Variants in RALYL observed in about 807,000 individuals in gnomAD.
RALYL encodes RALY RNA binding protein like, also known as RNA-binding Raly-like protein.
Under a neutral mutation model 35.1 loss-of-function variants are expected in RALYL, and 29 were observed. That is an observed-to-expected ratio of 0.83 (90% CI 0.61 to 1.13). The LOEUF is 1.13. Ranked by LOEUF, RALYL falls within the 50% of genes most tolerant of loss-of-function variation. RALYL has a pLI of 0.00. For missense variants in RALYL, 359 were observed against 360.4 expected (o/e 1.00, Z 0.03); for synonymous variants, 120 against 127.6 (o/e 0.94, Z 0.40).
At chr8:84,601,322 T>C (rs183144434) in intron 2 of RALYL, among the ~76,000 whole-genome samples, 357 of 152,174 alleles carry the variant, frequency 2.3e-3, no homozygotes, top group African/African-American at 5.4e-3. Flanking sequence ...TCTCAAAACC[T>C]GTGTTTCCCA....
intron 2 of RALYL, chr8:84,679,590 T>A (rs374071261): frequency 6.8e-4 from 307 of 452,168 alleles, no homozygotes; most frequent in Non-Finnish European, 1.2e-3. Context: ...AACGCCTGCC[T>A]TATCTTCTTT....
chr8:84,880,314 G>A (rs1841955577), intron 7 of RALYL, among the ~76,000 whole-genome samples: 1 of 152,084 alleles, frequency 6.6e-6, no homozygotes, highest in Admixed American at 6.6e-5. Context: ...CCTATGGTCA[G>A]GAAGAAACCT....
At chr8:84,761,359 G>C (rs1444340824) in intron 2 of RALYL, among the ~76,000 whole-genome samples, 6 of 151,854 alleles carry the variant, frequency 4.0e-5, no homozygotes, top group Non-Finnish European at 7.4e-5. Context: ...ACTAAGCAAA[G>C]TGTCTGGAAA....
intron 4 of RALYL, among the ~76,000 whole-genome samples, chr8:84,814,907 A>T (rs946179678): frequency 4.6e-5 from 7 of 152,222 alleles, no homozygotes; most frequent in African/African-American, 1.7e-4. Flanking sequence ...TTCTGTTTGC[A>T]CAGGTAGATC....
intron 1 of RALYL, among the ~76,000 whole-genome samples, chr8:84,527,619 A>G (rs887662358): frequency 4.6e-5 from 7 of 152,184 alleles, no homozygotes; most frequent in Non-Finnish European, 7.3e-5. Context: ...TAAATTACCT[A>G]TCTTGATTTT....
At chr8:84,185,317 G>T (rs1272634266) in intron 1 of RALYL, 3 of 447,888 alleles carry the variant, frequency 6.7e-6, no homozygotes, top group Non-Finnish European at 1.2e-5. Context: ...TGGCTCTAAA[G>T]GTTTTCCCCT....
chr8:84,643,296 C>T (rs1198386887), intron 2 of RALYL, among the ~76,000 whole-genome samples: 1 of 151,910 alleles, frequency 6.6e-6, no homozygotes, highest in African/African-American at 2.4e-5. Context: ...TCCCTAGCAG[C>T]CGAGTCTAAA....
chr8:84,879,309 C>T (rs1223866274), intron 7 of RALYL, among the ~76,000 whole-genome samples: 2 of 152,060 alleles, frequency 1.3e-5, no homozygotes, highest in South Asian at 2.1e-4. Flanking sequence ...ACATAGAGAA[C>T]GAATTTTTAA....
At chr8:84,920,135 T>C (rs1431990712) in intron 8 of RALYL, among the ~76,000 whole-genome samples, 1 of 152,144 alleles carries the variant, frequency 6.6e-6, no homozygotes, top group Non-Finnish European at 1.5e-5. Context: ...TCTTTGACTC[T>C]TAAGACATAC....
intron 2 of RALYL, among the ~76,000 whole-genome samples, chr8:84,532,809 T>C (rs965964186): frequency 2.0e-5 from 3 of 152,090 alleles, no homozygotes; most frequent in Admixed American, 2.0e-4. Context: ...AATTAAACAC[T>C]CTAATGTCAG....
chr8:84,572,658 A>G (rs1222873997), intron 2 of RALYL, among the ~76,000 whole-genome samples: 1 of 151,832 alleles, frequency 6.6e-6, no homozygotes, highest in Non-Finnish European at 1.5e-5. Context: ...TGATTTATTC[A>G]TGTATAGATT....
intron 1 of RALYL, among the ~76,000 whole-genome samples, chr8:84,282,940 T>A (rs1836890281): frequency 6.6e-6 from 1 of 151,956 alleles, no homozygotes; most frequent in South Asian, 2.1e-4. Context: ...GGAATACAAG[T>A]AGGACACTGC....
intron 8 of RALYL, among the ~76,000 whole-genome samples, chr8:84,909,783 AG>A (rs1202985753): frequency 6.6e-6 from 1 of 152,112 alleles, no homozygotes. Flanking sequence ...AGTACTTAAA[AG>A]GGGGCTTGAC....
intron 2 of RALYL, among the ~76,000 whole-genome samples, chr8:84,656,425 G>T (rs729076): frequency 0.29 from 43,892 of 152,018 alleles, 7,048 homozygotes; most frequent in African/African-American, 0.42. Flanking sequence ...TGGAAATATA[G>T]AGAGAAATAA....
At chr8:84,529,094 T>G (rs2059102191) in intron 1 of RALYL, among the ~76,000 whole-genome samples, 1 of 152,182 alleles carries the variant, frequency 6.6e-6, no homozygotes. Flanking sequence ...GTGATTATGT[T>G]TTTTCTACTG....
intron 1 of RALYL, among the ~76,000 whole-genome samples, chr8:84,508,245 T>G (rs752211178): frequency 3.3e-5 from 5 of 152,048 alleles, no homozygotes; most frequent in Non-Finnish European, 5.9e-5. Flanking sequence ...TAAACACTCA[T>G]CCCCCTCAAG....
chr8:84,537,160 A>T (rs1197715150), intron 2 of RALYL, among the ~76,000 whole-genome samples: 5 of 4,550 alleles, frequency 1.1e-3, no homozygotes, highest in Non-Finnish European at 2.1e-3. Flanking sequence ...TATATATATT[A>T]AAAAAAAAAA....
At chr8:84,748,261 T>C (rs916378834) in intron 2 of RALYL, among the ~76,000 whole-genome samples, 1 of 152,014 alleles carries the variant, frequency 6.6e-6, no homozygotes, top group Non-Finnish European at 1.5e-5. Flanking sequence ...GGTAGGTCTG[T>C]AGTGGAATGT....
intron 2 of RALYL, among the ~76,000 whole-genome samples, chr8:84,673,553 T>A (rs932096205): frequency 1.3e-5 from 2 of 152,216 alleles, no homozygotes; most frequent in Admixed American, 1.3e-4. Context: ...TTGATTTTTG[T>A]ATATGATGTA....
Sources: gnomAD v4.1 joint callset for allele counts (sites outside exome capture counted in the v4.1 genomes callset) on GRCh38, gnomAD v4.1.1 for gene constraint, MANE v1.5 for transcripts, NCBI Gene and HGNC (gene_info 2026-07-23, HGNC 2026-07-21) for gene names.